Variants in NELL1 observed in about 807,000 individuals in gnomAD.
NELL1 encodes protein kinase C-binding protein NELL1.
NELL1 carries 76 observed loss-of-function variants against 107.4 expected under a neutral mutation model. That is an observed-to-expected ratio of 0.71 (90% CI 0.59 to 0.86). The LOEUF (loss-of-function observed/expected upper bound fraction) is 0.86, where lower values mean the gene tolerates loss of function less well. Ranked by LOEUF, NELL1 falls within the 40% of genes least tolerant of loss-of-function variation. The pLI is 0.00. For missense variants in NELL1, 1,024 were observed against 1,005.5 expected (o/e 1.02, Z -0.25); for synonymous variants, 353 against 341.2 (o/e 1.03, Z -0.38).
chr11:21,146,349 A>G (rs887029379), intron 13 of NELL1, among the ~76,000 whole-genome samples: 4 of 152,220 alleles, frequency 2.6e-5, no homozygotes, highest in South Asian at 4.1e-4. Context: ...AAACAGTGCT[A>G]ATTTCATCAG....
chr11:21,199,581 A>T (rs114209301), intron 13 of NELL1, among the ~76,000 whole-genome samples: 216 of 152,210 alleles, frequency 1.4e-3, no homozygotes, highest in African/African-American at 5.1e-3. Flanking sequence ...GGCTAGTTAG[A>T]AAAAAGCTAT....
chr11:20,972,497 A>G (rs1851521705), intron 12 of NELL1, among the ~76,000 whole-genome samples: 1 of 152,114 alleles, frequency 6.6e-6, no homozygotes, highest in Non-Finnish European at 1.5e-5. Flanking sequence ...GTGGTATAGG[A>G]AATTCACACT....
rs375450910 is a variant in NELL1 at position 21,399,823 on chromosome 11, C to T, written c.1645+28875C>T. Among the ~76,000 whole-genome samples the T allele has an allele frequency of 1.8e-3, 275 of 151,740 alleles. 8 individuals are homozygous for T. The South Asian group carries it at 0.053, about 29-fold the overall frequency. ...CTATGATACCGATGATGGAAAATAACGGCGATGCTGCTGATGGAAGATAAT... is the reference window on the plus strand; with the variant it reads ...CTATGATACCGATGATGGAAAATAATGGCGATGCTGCTGATGGAAGATAAT... On this transcript the variant is annotated intron_variant, in intron 15 of 19. Coordinates refer to ENST00000357134, the MANE Select transcript of NELL1 (RefSeq NM_006157.5).
intron 15 of NELL1, among the ~76,000 whole-genome samples, chr11:21,411,827 A>G (rs79740237): frequency 4.1e-4 from 62 of 152,240 alleles, no homozygotes; most frequent in African/African-American, 1.3e-3. Context: ...ATGAGGTTCA[A>G]TGAAGGTGTG....
At chr11:21,226,304 C>T (rs1053007623) in intron 13 of NELL1, among the ~76,000 whole-genome samples, 2 of 152,120 alleles carry the variant, frequency 1.3e-5, no homozygotes, top group Non-Finnish European at 2.9e-5. Flanking sequence ...TACAGGAAGA[C>T]AGTTCGTTGT....
intron 14 of NELL1, among the ~76,000 whole-genome samples, chr11:21,350,929 T>C (rs950771097): frequency 2.6e-5 from 4 of 152,146 alleles, no homozygotes; most frequent in African/African-American, 9.7e-5. Flanking sequence ...GTGACCTTAT[T>C]TGGGAATAGG....
chr11:21,494,381 C>CA (rs1854919367), intron 15 of NELL1, among the ~76,000 whole-genome samples: 1 of 151,940 alleles, frequency 6.6e-6, no homozygotes, highest in Non-Finnish European at 1.5e-5. Flanking sequence ...TTGAAGTTAT[C>CA]CTAGTGCTAC....
At chr11:21,249,141 C>G (rs777343570) in intron 14 of NELL1, among the ~76,000 whole-genome samples, 5 of 152,118 alleles carry the variant, frequency 3.3e-5, no homozygotes, top group Non-Finnish European at 7.4e-5. Flanking sequence ...GGTAACTCAG[C>G]TTCTATGTGA....
At chr11:21,114,040 G>A (rs1855172211) in intron 13 of NELL1, among the ~76,000 whole-genome samples, 1 of 151,930 alleles carries the variant, frequency 6.6e-6, no homozygotes, top group African/African-American at 2.4e-5. Context: ...TATTTTCGTT[G>A]CATCATGATG....
chr11:20,703,524 G>T (rs944511557), intron 2 of NELL1, among the ~76,000 whole-genome samples: 1 of 152,040 alleles, frequency 6.6e-6, no homozygotes, highest in East Asian at 1.9e-4. Context: ...TCTGATCTTA[G>T]TTATTTCTTG....
At chr11:21,155,503 T>G (rs77115174) in intron 13 of NELL1, among the ~76,000 whole-genome samples, 3,006 of 152,118 alleles carry the variant, frequency 0.02, 117 homozygotes, top group African/African-American at 0.069. Flanking sequence ...TGAGAAGTAG[T>G]TAAGAGGTAG....
intron 12 of NELL1, among the ~76,000 whole-genome samples, chr11:20,963,930 A>G (rs1851339670): frequency 6.6e-6 from 1 of 152,154 alleles, no homozygotes; most frequent in Non-Finnish European, 1.5e-5. Context: ...TTCCTAAGGT[A>G]GAAGCAGAGA....
intron 14 of NELL1, among the ~76,000 whole-genome samples, chr11:21,235,808 A>G (rs1367891619): frequency 6.6e-6 from 1 of 152,164 alleles, no homozygotes; most frequent in East Asian, 1.9e-4. Flanking sequence ...CAGAGCCTTA[A>G]TGTCATGCTT....
chr11:20,806,927 G>A (rs1228009423), intron 3 of NELL1, among the ~76,000 whole-genome samples: 1 of 152,048 alleles, frequency 6.6e-6, no homozygotes, highest in Non-Finnish European at 1.5e-5. Flanking sequence ...TAATCTGATA[G>A]GATTCTGAAT....
chr11:20,912,832 A>G (rs1289222432), intron 5 of NELL1, among the ~76,000 whole-genome samples: 1 of 152,186 alleles, frequency 6.6e-6, no homozygotes, highest in Non-Finnish European at 1.5e-5. Flanking sequence ...GGCACATTGA[A>G]AAAGAAGCTA....
At chr11:20,895,504 C>CTTTTTTTT (rs71063675) in intron 5 of NELL1, among the ~76,000 whole-genome samples, 4 of 100,022 alleles carry the variant, frequency 4.0e-5, no homozygotes, top group Admixed American at 1.5e-4. Flanking sequence ...TGATATTTGC[C>CTTTTTTTT]TTTTTTTTTT....
chr11:21,126,815 C>T (rs1037054145), intron 13 of NELL1, among the ~76,000 whole-genome samples: 3 of 152,156 alleles, frequency 2.0e-5, no homozygotes, highest in Non-Finnish European at 2.9e-5. Flanking sequence ...ATGCTTTAGG[C>T]TCATGAGTTA....
intron 15 of NELL1, among the ~76,000 whole-genome samples, chr11:21,379,025 G>A (rs991969093): frequency 6.6e-6 from 1 of 151,962 alleles, no homozygotes; most frequent in Admixed American, 6.6e-5. Context: ...AATTTGCACT[G>A]AAATGCTTTC....
intron 12 of NELL1, among the ~76,000 whole-genome samples, chr11:21,099,216 C>CAA (rs1474239397): frequency 2.1e-5 from 3 of 143,530 alleles, no homozygotes; most frequent in African/African-American, 5.1e-5. Flanking sequence ...CACACACACA[C>CAA]ACACACACAC....
Sources: gnomAD v4.1 joint callset for allele counts (sites outside exome capture counted in the v4.1 genomes callset) on GRCh38, gnomAD v4.1.1 for gene constraint, MANE v1.5 for transcripts, NCBI Gene and HGNC (gene_info 2026-07-23, HGNC 2026-07-21) for gene names.